The following TGIF1 variants were observed in gnomAD, a reference collection of about 807,000 sequenced individuals.
The protein encoded by TGIF1 is homeobox protein TGIF1.
Under a neutral mutation model 19.3 loss-of-function variants are expected in TGIF1, and 4 were observed. The ratio of observed to expected loss-of-function variants is 0.21; its 90% CI spans 0.10 to 0.47. TGIF1 has a LOEUF of 0.47. Among genes scored for constraint, TGIF1 ranks in the 20% least tolerant of loss-of-function variants. The pLI is 0.98. For synonymous variants in TGIF1, 122 were observed against 129.3 expected, an observed-to-expected ratio of 0.94 and a Z score of 0.38; for missense variants, 275 against 341.4, an observed-to-expected ratio of 0.81 and a Z score of 1.53.
rs2049415193 is a variant in TGIF1 at position 3,457,897 on chromosome 18, A to G, written c.776A>G (p.Lys259Arg). Residue 259 changes from lysine (K) to arginine (R), a missense_variant, in exon 3 of 3, where the codon AAA (lysine) becomes AGA (arginine). Lys to Arg is a conservative substitution (Grantham distance 26). Coordinates refer to ENST00000343820, the MANE Select transcript of TGIF1 (RefSeq NM_003244.4). The surrounding 1 kb of genome is among the most constrained non-coding windows in gnomAD (Gnocchi z 4.9). The stretch of plus-strand genomic sequence containing the variant: ...CAGCTTCTAGTGGATGTTGCACTCA[A>G]ACGGGCTGCAGAGATGGAGCTTCAG... Reference protein sequence around the residue: ...GFQLLVDVALKRAAEMELQAK... With the variant: ...GFQLLVDVALRRAAEMELQAK... The G allele has an allele frequency of 1.2e-6, 2 of 1,602,400 alleles. No homozygotes were observed. Among genetic ancestry groups the G allele is most frequent in the Non-Finnish European group, 8.5e-7 (1 of 1,179,980 alleles).
chr18:3,448,708 CG>C (rs771184316), upstream of TGIF1: 4 of 247,682 alleles, frequency 1.6e-5, no homozygotes, highest in Non-Finnish European at 1.6e-5. Flanking sequence ...ATTCTAGGGG[CG>C]GGGGTGTCTT....
chr18:3,457,921 A>C lies in TGIF1; in HGVS notation c.800A>C (p.Gln267Pro). ...ALKRAAEMELQAKLTA is the reference protein window; with the variant it reads ...ALKRAAEMELPAKLTA ...AAACGGGCTGCAGAGATGGAGCTTC[A>C]GGCAAAACTTACAGCTTAACCCATT... Residue 267 changes from glutamine (Q) to proline (P), a missense_variant, in exon 3 of 3, where the codon CAG becomes CCG. By Grantham distance (76) the Gln-to-Pro change is moderately conservative. Coordinates refer to ENST00000343820, the MANE Select transcript of TGIF1 (RefSeq NM_003244.4). This position sits in a 1 kb window ranked among gnomAD's most constrained non-coding sequence, Gnocchi z 4.9. 1 of 1,600,800 alleles carries C rather than the reference A, an allele frequency of 6.2e-7. No individual in the cohort carries two copies. Among genetic ancestry groups the C allele is most frequent in the Non-Finnish European group, 8.5e-7 (1 of 1,179,966 alleles).
chr18:3,450,234 G>A lies in TGIF1; in HGVS notation c.-256G>A. On this transcript the variant is annotated 5_prime_UTR_variant, in exon 1 of 3. Transcript: ENST00000343820. ...GAACAAAGGAGCGGAGAGGGGAGGG[G>A]AGAGAGTTGGGCGAGGGAGAGCCCC... The A allele has an allele frequency of 1.4e-6, 2 of 1,422,080 alleles. No homozygotes were observed. Among genetic ancestry groups the A allele is most frequent in the Non-Finnish European group, 1.8e-6 (2 of 1,092,382 alleles). The allele number at this position is 1,422,080 out of a possible 1,614,324, so 88.1% of individuals were successfully genotyped here.
At chr18:3,425,675 C>G (rs913504910) in intron 2 of TGIF1, among the ~76,000 whole-genome samples, 1 of 152,094 alleles carries the variant, frequency 6.6e-6, no homozygotes. Context: ...CCAGCCAATC[C>G]GCATGGCCCC....
chr18:3,420,770 G>A (rs2082389375), intron 2 of TGIF1, among the ~76,000 whole-genome samples: 1 of 152,210 alleles, frequency 6.6e-6, no homozygotes, highest in Non-Finnish European at 1.5e-5. Context: ...CAGGCCCTTA[G>A]CCCTTAGTTC....
intron 2 of TGIF1, among the ~76,000 whole-genome samples, chr18:3,427,241 G>A (rs2082483778): frequency 6.7e-6 from 1 of 149,760 alleles, no homozygotes. Flanking sequence ...ACCGCGCCCA[G>A]CCAATGATCT....
chr18:3,452,819 A>G (rs1316619811), intron 1 of TGIF1, among the ~76,000 whole-genome samples: 1 of 152,154 alleles, frequency 6.6e-6, no homozygotes, highest in East Asian at 1.9e-4. Flanking sequence ...TTTTCTTAAA[A>G]CAAGTGCACT....
rs1026196989 is a variant in TGIF1, at chr18:3,451,079, C to T, written c.16+574C>T. 6.6e-5 allele frequency among the ~76,000 whole-genome samples: 10 copies of T among 151,998 alleles called. No individual in the cohort carries two copies. The highest frequency in any genetic ancestry group is 1.9e-4 in the African/African-American group (8 of 41,368). ...TGCGATTCTGGACCCCCTCATCGCCCTCGGGTGTAAACAGCTTTGGAAAGC... is the reference window on the plus strand; with the variant it reads ...TGCGATTCTGGACCCCCTCATCGCCTTCGGGTGTAAACAGCTTTGGAAAGC... On this transcript the variant is annotated intron_variant, in intron 1 of 2. Transcript: ENST00000343820. This position sits in a 1 kb window ranked among gnomAD's most constrained non-coding sequence, Gnocchi z 5.4.
At chr18:3,423,515 TA>T (rs537344847) in intron 2 of TGIF1, among the ~76,000 whole-genome samples, 7 of 151,672 alleles carry the variant, frequency 4.6e-5, no homozygotes, top group Admixed American at 6.6e-5. Context: ...CCGTCTCTAC[TA>T]AAAAAATACA....
At chr18:3,419,794 T>A (rs989519379) in intron 2 of TGIF1, among the ~76,000 whole-genome samples, 11 of 152,142 alleles carry the variant, frequency 7.2e-5, no homozygotes, top group Non-Finnish European at 1.2e-4. Flanking sequence ...TCACCTGAGG[T>A]CAGGTGTTCA....
Position 3,450,388 on chromosome 18 carries a change from G to T in TGIF1, c.-102G>T. ...GGCTGGAGCACGTCCTACAAGTTAC[G>T]GGAGAGTCGGCTGTGAAGGAGACGT... On this transcript the variant is annotated 5_prime_UTR_variant, in exon 1 of 3. Transcript: ENST00000343820. The T allele has an allele frequency of 6.5e-7, 1 of 1,544,334 alleles. No homozygotes were observed. Among genetic ancestry groups the T allele is most frequent in the South Asian group, 1.2e-5 (1 of 83,410 alleles).
intron 2 of TGIF1, among the ~76,000 whole-genome samples, chr18:3,442,481 G>A (rs2082687918): frequency 6.6e-6 from 1 of 151,774 alleles, no homozygotes; most frequent in African/African-American, 2.4e-5. Context: ...TTTGCTCTTT[G>A]TCAGATGAGC....
chr18:3,447,759 G>C (rs758745966), upstream of TGIF1: 10 of 1,614,094 alleles, frequency 6.2e-6, 1 homozygote, highest in South Asian at 1.1e-4. Flanking sequence ...TCGGGCAAAA[G>C]TTGTGCATTG....
chr18:3,417,649 TATATCTATCATTGAG>T (rs1241632714), intron 1 of TGIF1, among the ~76,000 whole-genome samples: 1 of 152,240 alleles, frequency 6.6e-6, no homozygotes, highest in African/African-American at 2.4e-5. Flanking sequence ...TATTCGTGTA[TATATCTATCATTGAG>T]ATCACACAAA....
chr18:3,457,284 T>C lies in TGIF1; in HGVS notation c.244-81T>C. 7.2e-7 allele frequency: 1 copy of C among 1,383,318 alleles called. No individual in the cohort carries two copies. Among genetic ancestry groups the C allele is most frequent in the Non-Finnish European group, 1.0e-6 (1 of 985,046 alleles). 85.7% of individuals were successfully genotyped at this position (1,383,318 alleles called of 1,614,324 possible). A position where few individuals can be genotyped will look rare whatever the true frequency, so the allele number is the denominator to read the frequency against. ...TCTTTAATTCAGAGAGCAAGATCAA[T>C]TAGGTACCCCATAGAACATTCTCAG... On this transcript the variant is annotated intron_variant, in intron 2 of 2. Transcript: ENST00000343820. The surrounding 1 kb of genome is among the most constrained non-coding windows in gnomAD (Gnocchi z 4.9).
Position 3,458,423 on chromosome 18 carries a change from CAG to C in TGIF1, c.*486_*487del, listed in dbSNP as rs1294502984. 6.0e-6 allele frequency: 1 copy of C among 167,968 alleles called. No homozygotes were observed. The highest frequency in any genetic ancestry group is 2.4e-5 in the African/African-American group (1 of 41,130). The allele number at this position is 167,968 out of a possible 1,614,324, so 10.4% of individuals were successfully genotyped here. A position where few individuals can be genotyped will look rare whatever the true frequency, so the allele number is the denominator to read the frequency against. ...ATTTTCTTTAAAAATTGTTGTAATT[CAG>C]AGTATTTCTGTTGAGGGAGGTGCTT... On this transcript the variant is annotated 3_prime_UTR_variant, in exon 3 of 3. Coordinates refer to ENST00000343820, the MANE Select transcript of TGIF1 (RefSeq NM_003244.4).
chr18:3,417,735 A>G (rs1383785001), intron 1 of TGIF1, among the ~76,000 whole-genome samples: 1 of 152,178 alleles, frequency 6.6e-6, no homozygotes, highest in African/African-American at 2.4e-5. Context: ...GAAATATGTT[A>G]TATTTCTTCT....
rs1804130772 is a variant in TGIF1, at chr18:3,456,264, T to C, written c.17-90T>C. 2.5e-6 allele frequency: 3 copies of C among 1,215,470 alleles called. No individual in the cohort carries two copies. Among genetic ancestry groups the C allele is most frequent in the Non-Finnish European group, 3.7e-6 (3 of 818,928 alleles). The allele number at this position is 1,215,470 out of a possible 1,614,324, so 75.3% of individuals were successfully genotyped here. A position where few individuals can be genotyped will look rare whatever the true frequency, so the allele number is the denominator to read the frequency against. Reference sequence around the variant, plus strand: ...CTCGCTCTCAGTTGTTGGGAAAGCATGGTTACATTGAATGGTCAGCGTTAA... The same window carrying C: ...CTCGCTCTCAGTTGTTGGGAAAGCACGGTTACATTGAATGGTCAGCGTTAA... On this transcript the variant is annotated intron_variant, in intron 1 of 2. Transcript: ENST00000343820. This position sits in a 1 kb window ranked among gnomAD's most constrained non-coding sequence, Gnocchi z 4.2.
At chr18:3,424,235 G>T (rs1345417453) in intron 2 of TGIF1, among the ~76,000 whole-genome samples, 8 of 150,456 alleles carry the variant, frequency 5.3e-5, no homozygotes, top group Non-Finnish European at 8.9e-5. Context: ...AGCAAAGTAA[G>T]TTTTTTTTGT....
Sources: allele counts gnomAD v4.1 joint callset (sites outside exome capture counted in the v4.1 genomes callset), GRCh38; gene constraint gnomAD v4.1.1; non-coding constraint Gnocchi (gnomAD v3.1); transcripts MANE v1.5; gene names NCBI Gene and HGNC (gene_info 2026-07-23, HGNC 2026-07-21).